MAP4K3: variants seen among roughly 807,000 people sequenced by gnomAD.
MAP4K3 encodes mitogen-activated protein kinase kinase kinase kinase 3, also known as MAPK/ERK kinase kinase kinase 3.
MAP4K3 carries 94 observed loss-of-function variants against 143.5 expected under a neutral mutation model. That is an observed-to-expected ratio of 0.65 (90% CI 0.55 to 0.78). The LOEUF (loss-of-function observed/expected upper bound fraction) is 0.78. MAP4K3 is among the 30% of genes least tolerant of loss of function. The pLI is 0.00. For missense variants in MAP4K3, 1,077 were observed against 1,068.1 expected, an observed-to-expected ratio of 1.01 and a Z score of -0.12; for synonymous variants, 416 against 347.2, an observed-to-expected ratio of 1.20 and a Z score of -2.20.
At chr2:39,372,502 AAAAG>A (rs1436656558) in intron 2 of MAP4K3, among the ~76,000 whole-genome samples, 1 of 151,860 alleles carries the variant, frequency 6.6e-6, no homozygotes, top group East Asian at 1.9e-4. Context: ...GAAAAAAAAA[AAAAG>A]AAACTGTAGG....
intron 23 of MAP4K3, among the ~76,000 whole-genome samples, chr2:39,279,903 T>G (rs902650985): frequency 1.3e-5 from 2 of 152,116 alleles, no homozygotes; most frequent in African/African-American, 2.4e-5. Flanking sequence ...TAGTGAGCCA[T>G]GATCATGCCA....
At chr2:39,322,053 G>GCC (rs1573148217) in intron 12 of MAP4K3, among the ~76,000 whole-genome samples, 1 of 318 alleles carries the variant, frequency 3.1e-3, no homozygotes, top group East Asian at 0.12. Context: ...TTGTCTCTGT[G>GCC]TCTTTCTTTT....
rs1037203818 is a variant in MAP4K3, at chr2:39,282,399, A to AT, written c.1629+113dup. ...TGTAATTAAATTAGCAATCTTATAG[A>AT]TTTTTTTTCAATAATAATGAAAGTT... is the stretch of plus-strand genomic sequence containing the variant. On this transcript the variant is annotated intron_variant, in intron 22 of 33. Transcript: ENST00000263881. 688 of 842,384 alleles carry AT rather than the reference A, an allele frequency of 8.2e-4. 4 individuals are homozygous for AT. Among genetic ancestry groups the AT allele is most frequent in the Non-Finnish European group, 2.7e-4 (138 of 516,106 alleles). The allele number at this position is 842,384 out of a possible 1,614,324, so 52.2% of individuals were successfully genotyped here. A position where few individuals can be genotyped will look rare whatever the true frequency, so the allele number is the denominator to read the frequency against.
intron 22 of MAP4K3, among the ~76,000 whole-genome samples, chr2:39,281,903 G>A (rs1360602613): frequency 6.6e-6 from 1 of 151,648 alleles, no homozygotes; most frequent in East Asian, 1.9e-4. Context: ...GAATTTAAAG[G>A]TAAAAAACGG....
intron 1 of MAP4K3, among the ~76,000 whole-genome samples, chr2:39,429,623 C>A (rs1311599161): frequency 6.6e-6 from 1 of 152,132 alleles, no homozygotes; most frequent in African/African-American, 2.4e-5. Flanking sequence ...ACCTCTTTTC[C>A]TCTTTTTGCA....
intron 1 of MAP4K3, among the ~76,000 whole-genome samples, chr2:39,393,868 G>T (rs1475790996): frequency 6.6e-6 from 1 of 151,962 alleles, no homozygotes; most frequent in Non-Finnish European, 1.5e-5. Context: ...TACTGAGTTT[G>T]GTTAAAAAAA....
chr2:39,274,522 G>A (rs1004173120), intron 24 of MAP4K3, among the ~76,000 whole-genome samples: 1 of 152,062 alleles, frequency 6.6e-6, no homozygotes, highest in Non-Finnish European at 1.5e-5. Flanking sequence ...GCCTGACCCT[G>A]AATTTTCATT....
intron 1 of MAP4K3, among the ~76,000 whole-genome samples, chr2:39,388,242 C>T (rs1227029332): frequency 6.6e-6 from 1 of 152,160 alleles, no homozygotes; most frequent in Non-Finnish European, 1.5e-5. Flanking sequence ...GGTGCTCAGA[C>T]CCCAATGTGC....
At chr2:39,299,721 GT>G in intron 16 of MAP4K3, 21 bp downstream of exon 16, 2 of 1,430,544 alleles carry the variant, frequency 1.4e-6, no homozygotes, top group Non-Finnish European at 1.9e-6. Context: ...TTTAAATTAA[GT>G]TTTAAAAGAA....
At chr2:39,432,808 A>G (rs1187424938) in intron 1 of MAP4K3, among the ~76,000 whole-genome samples, 1 of 152,216 alleles carries the variant, frequency 6.6e-6, no homozygotes. Context: ...CAGCTTTCAC[A>G]GACACTTTAA....
chr2:39,282,137 A>G (rs902112130), intron 22 of MAP4K3, among the ~76,000 whole-genome samples: 1 of 151,484 alleles, frequency 6.6e-6, no homozygotes, highest in Non-Finnish European at 1.5e-5. Context: ...GGAGCTTGCA[A>G]TGAGCTGAGA....
At chr2:39,405,188 G>A (rs957765722) in intron 1 of MAP4K3, among the ~76,000 whole-genome samples, 6 of 152,184 alleles carry the variant, frequency 3.9e-5, no homozygotes, top group South Asian at 4.1e-4. Context: ...AGGACCTTGT[G>A]TCACCCCTCC....
At chr2:39,366,246 G>A (rs931787833) in intron 2 of MAP4K3, among the ~76,000 whole-genome samples, 3 of 149,776 alleles carry the variant, frequency 2.0e-5, no homozygotes, top group Non-Finnish European at 4.4e-5. Flanking sequence ...TGATCTAGAA[G>A]GGTGGGACAG....
intron 28 of MAP4K3, 72 bp downstream of exon 28, chr2:39,265,130 AT>A: frequency 1.9e-6 from 2 of 1,030,638 alleles, no homozygotes; most frequent in South Asian, 2.9e-5. Flanking sequence ...ACTGAAAAAA[AT>A]GTTTCTTTAA....
chr2:39,363,902 T>G (rs546135915), intron 2 of MAP4K3, among the ~76,000 whole-genome samples: 3 of 148,298 alleles, frequency 2.0e-5, no homozygotes, highest in Non-Finnish European at 3.0e-5. Flanking sequence ...GGCCAACAGA[T>G]CTATATCAAA....
intron 13 of MAP4K3, among the ~76,000 whole-genome samples, chr2:39,314,933 G>C (rs933199934): frequency 2.6e-5 from 4 of 152,170 alleles, no homozygotes; most frequent in African/African-American, 7.2e-5. Flanking sequence ...ATGAGTGCAT[G>C]AATGACGTGG....
chr2:39,278,297 A>T, intron 24 of MAP4K3, 110 bp downstream of exon 24: 1 of 614,876 alleles, frequency 1.6e-6, no homozygotes, highest in East Asian at 3.0e-5. Context: ...AACAAAACAA[A>T]AAAGAATAAA....
intron 2 of MAP4K3, among the ~76,000 whole-genome samples, chr2:39,373,059 C>A (rs1167966285): frequency 1.3e-5 from 2 of 152,086 alleles, no homozygotes. Flanking sequence ...GATTAACAAC[C>A]AGATTATATA....
chr2:39,273,684 C>T (rs1464144618), intron 24 of MAP4K3, among the ~76,000 whole-genome samples: 1 of 152,176 alleles, frequency 6.6e-6, no homozygotes, highest in African/African-American at 2.4e-5. Context: ...AATTTTATTT[C>T]ATTTACTGGG....
Sources: allele counts gnomAD v4.1 joint callset (sites outside exome capture counted in the v4.1 genomes callset), GRCh38; gene constraint gnomAD v4.1.1; transcripts MANE v1.5; gene names NCBI Gene and HGNC (gene_info 2026-07-23, HGNC 2026-07-21).